Variants in MID1 observed in about 807,000 individuals in gnomAD.
MID1 encodes the protein midline 1, also known as E3 ubiquitin-protein ligase Midline-1.
A neutral mutation model predicts 40.4 loss-of-function variants in MID1; 7 were observed. The ratio of observed to expected loss-of-function variants is 0.17; its 90% CI spans 0.10 to 0.33. The LOEUF is 0.33. MID1 is among the 10% of genes least tolerant of loss of function. The pLI is 1.00. For synonymous variants in MID1, 229 were observed against 221.2 expected, an observed-to-expected ratio of 1.04 and a Z score of -0.31; for missense variants, 367 against 558.5, an observed-to-expected ratio of 0.66 and a Z score of 3.46.
At chrX:10,656,401 C>T (rs775405576) in intron 1 of MID1, among the ~76,000 whole-genome samples, 77 of 111,926 alleles carry the variant, frequency 6.9e-4, no homozygotes, top group African/African-American at 2.4e-3. Flanking sequence ...GGCCTTTTGC[C>T]AAGGGTCTGT....
At chrX:10,825,070 T>C (rs754580948) in intron 1 of MID1, among the ~76,000 whole-genome samples, 1 of 111,528 alleles carries the variant, frequency 9.0e-6, no homozygotes, top group East Asian at 2.8e-4. Flanking sequence ...AAGAATTCAG[T>C]GAAAGATAAA....
intron 5 of MID1, among the ~76,000 whole-genome samples, chrX:10,475,913 G>A (rs1929980173): frequency 9.0e-6 from 1 of 111,448 alleles, no homozygotes. Context: ...TACTCCAAGG[G>A]TTATATGTCC....
intron 1 of MID1, among the ~76,000 whole-genome samples, chrX:10,667,053 C>A (rs181880922): frequency 9.0e-6 from 1 of 111,110 alleles, no homozygotes; most frequent in East Asian, 2.8e-4. Context: ...GGGGGTGGGA[C>A]AGGGAAGTGG....
At chrX:10,458,526 A>C in intron 8 of MID1, among the ~76,000 whole-genome samples, 1 of 112,159 alleles carries the variant, frequency 8.9e-6, no homozygotes. Context: ...TAAGATGTTA[A>C]TATTTGGGCA....
At chrX:10,681,422 C>T (rs967276684) in intron 1 of MID1, among the ~76,000 whole-genome samples, 1 of 112,028 alleles carries the variant, frequency 8.9e-6, no homozygotes, top group Non-Finnish European at 1.9e-5. Context: ...GAGACTCGCT[C>T]ATTGCGTGGC....
At chrX:10,750,838 C>T (rs1258559435) in intron 1 of MID1, among the ~76,000 whole-genome samples, 1 of 109,768 alleles carries the variant, frequency 9.1e-6, no homozygotes, top group African/African-American at 3.3e-5. Flanking sequence ...AGGTGTGAGT[C>T]TTTATTTAGA....
chrX:10,620,255 C>T (rs373672752), intron 1 of MID1, 35 bp downstream of exon 1: 1 of 112,786 alleles, frequency 8.9e-6, no homozygotes, highest in African/African-American at 3.2e-5. Context: ...GCGGCGCCCG[C>T]CCCCTCCGCC....
chrX:10,555,574 A>T (rs1934087020), intron 2 of MID1, among the ~76,000 whole-genome samples: 1 of 110,906 alleles, frequency 9.0e-6, no homozygotes, highest in Admixed American at 9.6e-5. Context: ...CTCAGTGTTT[A>T]TCTCATAGTA....
intron 8 of MID1, 42 bp downstream of exon 8, chrX:10,459,604 G>A (rs959027848): frequency 1.7e-6 from 2 of 1,183,752 alleles, no homozygotes; most frequent in Non-Finnish European, 2.3e-6. Flanking sequence ...TGAAAGAAGA[G>A]CAGATAAGAC....
chrX:10,547,216 A>G (rs892878633), intron 2 of MID1, among the ~76,000 whole-genome samples: 5 of 111,044 alleles, frequency 4.5e-5, no homozygotes, highest in Admixed American at 1.9e-4. Flanking sequence ...TCGAGGCTGC[A>G]GTGAGCCATG....
intron 8 of MID1, among the ~76,000 whole-genome samples, chrX:10,458,366 C>A (rs1448657829): frequency 8.9e-6 from 1 of 111,815 alleles, no homozygotes; most frequent in Non-Finnish European, 1.9e-5. Flanking sequence ...TGAAGGAACA[C>A]TAAATGCATT....
chrX:10,786,368 T>G (rs1245921003), intron 1 of MID1, among the ~76,000 whole-genome samples: 2 of 110,918 alleles, frequency 1.8e-5, no homozygotes, highest in African/African-American at 6.6e-5. Flanking sequence ...ACACTGTTGG[T>G]AGGACTGTAA....
chrX:10,664,762 C>T (rs2042939132), intron 1 of MID1, among the ~76,000 whole-genome samples: 1 of 111,867 alleles, frequency 8.9e-6, no homozygotes, highest in South Asian at 3.8e-4. Flanking sequence ...CGTGATGGCT[C>T]CTGGTAGTTA....
intron 2 of MID1, among the ~76,000 whole-genome samples, chrX:10,564,635 C>T (rs1934457222): frequency 9.0e-6 from 1 of 111,414 alleles, no homozygotes; most frequent in Admixed American, 9.6e-5. Context: ...GTGCAGGGCT[C>T]GTAACTGAAG....
chrX:10,723,285 C>T (rs995004260), intron 1 of MID1, among the ~76,000 whole-genome samples: 4 of 111,985 alleles, frequency 3.6e-5, no homozygotes, highest in African/African-American at 1.3e-4. Flanking sequence ...CCAGGGCCGA[C>T]TTTGCCTTCC....
At chrX:10,588,381 C>T (rs1476431376) in intron 1 of MID1, among the ~76,000 whole-genome samples, 10 of 110,959 alleles carry the variant, frequency 9.0e-5, no homozygotes, top group Non-Finnish European at 1.1e-4. Flanking sequence ...GGGCCATTCG[C>T]GGGTTACTGG....
At chrX:10,558,916 AT>A (rs1271503676) in intron 2 of MID1, among the ~76,000 whole-genome samples, 1 of 112,286 alleles carries the variant, frequency 8.9e-6, no homozygotes, top group Non-Finnish European at 1.9e-5. Flanking sequence ...ACCAAGAATG[AT>A]TCCAACAATA....
chrX:10,823,184 G>C (rs1369353591), intron 1 of MID1, among the ~76,000 whole-genome samples: 1 of 111,531 alleles, frequency 9.0e-6, no homozygotes, highest in African/African-American at 3.3e-5. Context: ...GACATGGATG[G>C]AGCTGGAAGC....
intron 1 of MID1, among the ~76,000 whole-genome samples, chrX:10,829,841 T>C (rs1247389590): frequency 2.7e-5 from 3 of 111,900 alleles, no homozygotes; most frequent in Non-Finnish European, 5.6e-5. Flanking sequence ...TAATGGCAGC[T>C]GCTCTTGCCT....
Sources: gnomAD v4.1 joint callset for allele counts (sites outside exome capture counted in the v4.1 genomes callset) on GRCh38, gnomAD v4.1.1 for gene constraint, MANE v1.5 for transcripts, NCBI Gene and HGNC (gene_info 2026-07-23, HGNC 2026-07-21) for gene names.